The following RSPH4A variants were observed in gnomAD, a reference collection of about 807,000 sequenced individuals.
RSPH4A encodes the protein radial spoke head component 4A.
RSPH4A carries 47 observed loss-of-function variants against 71.0 expected under a neutral mutation model. The observed-to-expected ratio is 0.66, with a 90% CI of 0.52 to 0.84. RSPH4A has a LOEUF of 0.84. RSPH4A is among the 40% of genes least tolerant of loss of function. RSPH4A has a pLI of 0.00. For synonymous variants in RSPH4A, 282 were observed against 302.3 expected, an observed-to-expected ratio of 0.93 and a Z score of 0.70; for missense variants, 793 against 855.2, an observed-to-expected ratio of 0.93 and a Z score of 0.91.
At chr6:116,629,429 A>T in intron 3 of RSPH4A, 138 bp from the exon 4 acceptor site, 2 of 971,380 alleles carry the variant, frequency 2.1e-6, no homozygotes. Flanking sequence ...TAGCACTTGG[A>T]AAATGTATGT....
chr6:116,617,342 G>C (rs1354961042), intron 1 of RSPH4A, 33 bp downstream of exon 1: 2 of 1,530,288 alleles, frequency 1.3e-6, no homozygotes, highest in African/African-American at 2.7e-5. Context: ...ATAAATGTTT[G>C]GCAAAGCAAG....
intron 2 of RSPH4A, among the ~76,000 whole-genome samples, chr6:116,626,632 C>T (rs570537160): frequency 6.6e-5 from 10 of 152,288 alleles, no homozygotes; most frequent in East Asian, 3.9e-4. Context: ...TGAGCCACCA[C>T]GCCCAGCCTT....
Position 116,616,865 on chromosome 6 carries a change from C to T in RSPH4A, c.242C>T (p.Ser81Leu), listed in dbSNP as rs371869815. Reference sequence around the variant, plus strand: ...GGCCCCGCGGGACCAGAAACATCATCACCTGCTCCTGTCTCTCCGCGGGAG... The same window carrying T: ...GGCCCCGCGGGACCAGAAACATCATTACCTGCTCCTGTCTCTCCGCGGGAG... ...LGGPAGPETSSPAPVSPREPS... is the reference protein window; with the variant it reads ...LGGPAGPETSLPAPVSPREPS... Residue 81 changes from serine to leucine, a missense_variant, in exon 1 of 6, where the codon TCA becomes TTA. Ser to Leu is a moderately radical substitution (Grantham distance 145). Coordinates refer to ENST00000229554, the MANE Select transcript of RSPH4A (RefSeq NM_001010892.3). 40 of 1,614,196 alleles carry T rather than the reference C, an allele frequency of 2.5e-5. No individual in the cohort carries two copies. In the African/African-American group the frequency reaches 4.7e-4, roughly 19 times the overall value.
intron 2 of RSPH4A, among the ~76,000 whole-genome samples, chr6:116,625,792 G>A (rs556552810): frequency 3.9e-5 from 6 of 152,244 alleles, no homozygotes; most frequent in South Asian, 4.1e-4. Flanking sequence ...TGTCACTGGC[G>A]AAGAAAGAGT....
intron 2 of RSPH4A, among the ~76,000 whole-genome samples, chr6:116,623,370 G>A (rs867468031): frequency 6.6e-6 from 1 of 151,834 alleles, no homozygotes; most frequent in Admixed American, 6.6e-5. Flanking sequence ...ACAGGCGTGA[G>A]CTACTGCACC....
rs140079844 is a variant in RSPH4A at position 116,627,993 on chromosome 6, A to G, written c.1286A>G (p.Tyr429Cys). Residue 429 changes from tyrosine to cysteine, a missense_variant, in exon 3 of 6, where the codon TAT (tyrosine) becomes TGT (cysteine). By Grantham distance (194) the Tyr-to-Cys change is radical. Coordinates refer to ENST00000229554, the MANE Select transcript of RSPH4A (RefSeq NM_001010892.3). ...GAAAGTAGAACAGGTGCCAACAAAT[A>G]TGTCTATTTTGTTTGCAATGAACCA... ...KEESRTGANKYVYFVCNEPGR... is the reference protein window; with the variant it reads ...KEESRTGANKCVYFVCNEPGR... 314 of 1,614,132 alleles carry G rather than the reference A, an allele frequency of 1.9e-4. No homozygotes were observed. The highest frequency in any genetic ancestry group is 2.5e-4 in the Non-Finnish European group (298 of 1,179,972).
At chr6:116,619,356 T>G (rs1351046849) in intron 1 of RSPH4A, among the ~76,000 whole-genome samples, 1 of 152,100 alleles carries the variant, frequency 6.6e-6, no homozygotes, top group East Asian at 1.9e-4. Context: ...TCAGACAAAG[T>G]AGGTTAGAGA....
chr6:116,625,295 G>A (rs905371812), intron 2 of RSPH4A, among the ~76,000 whole-genome samples: 4 of 152,124 alleles, frequency 2.6e-5, no homozygotes, highest in Admixed American at 6.5e-5. Context: ...TTCACCAGGT[G>A]AAGACTCTTA....
At chr6:116,631,585 G>A (rs946446139) in intron 5 of RSPH4A, among the ~76,000 whole-genome samples, 5 of 152,160 alleles carry the variant, frequency 3.3e-5, no homozygotes, top group African/African-American at 1.2e-4. Context: ...GAGAAAGGAG[G>A]GGCTGGAAAG....
intron 2 of RSPH4A, 130 bp from the exon 3 acceptor site, chr6:116,627,484 CTGCACCCAGCCAATT>C: frequency 1.3e-6 from 1 of 767,616 alleles, no homozygotes; most frequent in East Asian, 2.6e-5. Flanking sequence ...GCGTGAACCA[CTGCACCCAGCCAATT>C]TGATCTAAAT....
Position 116,627,795 on chromosome 6 carries a change from A to T in RSPH4A, c.1088A>T (p.Glu363Val). 1 of 1,614,158 alleles carries T rather than the reference A, an allele frequency of 6.2e-7. No individual in the cohort carries two copies. Among genetic ancestry groups the T allele is most frequent in the Non-Finnish European group, 8.5e-7 (1 of 1,180,024 alleles). Residue 363 changes from glutamate (E) to valine (V), a missense_variant, in exon 3 of 6, where the codon GAA (glutamate) becomes GTA (valine). Glu to Val is a moderately radical substitution (Grantham distance 121, BLOSUM62 -2). Transcript: ENST00000229554. Reference protein sequence around the residue: ...CRFWGKILGLEMNYIVAEVEF... With the variant: ...CRFWGKILGLVMNYIVAEVEF... ...TTCTGGGGAAAGATCTTGGGTCTGG[A>T]AATGAATTATATTGTAGCTGAAGTG...
intron 2 of RSPH4A, among the ~76,000 whole-genome samples, chr6:116,624,243 G>T (rs982944800): frequency 5.9e-5 from 9 of 152,200 alleles, no homozygotes; most frequent in African/African-American, 2.2e-4. Context: ...CAGGTGATAG[G>T]TGTCAAGGAG....
rs115024178 is a variant in RSPH4A at position 116,627,397 on chromosome 6, C to T, written c.922-232C>T. ...GTATTTGTAGTAGAGACGGGGGTCT[C>T]ACCATGTTGGCCAGTCTTGAACTCC... On this transcript the variant is annotated intron_variant, in intron 2 of 5. Coordinates refer to ENST00000229554, the MANE Select transcript of RSPH4A (RefSeq NM_001010892.3). Among the ~76,000 whole-genome samples, 597 of 152,226 alleles carry T rather than the reference C, an allele frequency of 3.9e-3. 3 individuals carry two copies. The highest frequency in any genetic ancestry group is 0.014 in the African/African-American group (578 of 41,534).
At chr6:116,628,454 A>G (rs918993735) in intron 3 of RSPH4A, 85 bp downstream of exon 3, 1 of 1,114,444 alleles carries the variant, frequency 9.0e-7, no homozygotes. Flanking sequence ...GACATACAAA[A>G]TAAAGGCCTT....
At chr6:116,619,177 A>G (rs1316618355) in intron 1 of RSPH4A, among the ~76,000 whole-genome samples, 1 of 152,112 alleles carries the variant, frequency 6.6e-6, no homozygotes, top group Non-Finnish European at 1.5e-5. Context: ...GTTATTGGAT[A>G]GGTATGATTG....
At chr6:116,617,817 C>A (rs895893118) in intron 1 of RSPH4A, among the ~76,000 whole-genome samples, 4 of 152,168 alleles carry the variant, frequency 2.6e-5, no homozygotes, top group Admixed American at 1.3e-4. Context: ...TTAGTCCTCG[C>A]AAACTCGGAG....
rs1583351106 is a variant in RSPH4A at position 116,628,321 on chromosome 6, A to G, written c.1614A>G (p.Val538=). The G allele has an allele frequency of 1.2e-6, 2 of 1,612,934 alleles. No homozygotes were observed. The change falls in exon 3 of 6, where the codon GTA becomes GTG. Residue 538 remains valine (V), a synonymous_variant. Coordinates refer to ENST00000229554, the MANE Select transcript of RSPH4A (RefSeq NM_001010892.3). ...DFEGIQVIDL[V]ESLSNWVHHV... is the part of the protein sequence containing the mutation. ...AAGGCATCCAAGTGATTGATCTAGT[A>G]GAATCCCTATCCAATTGGGTTCATC...
At chr6:116,629,119 G>T (rs998910796) in intron 3 of RSPH4A, among the ~76,000 whole-genome samples, 1 of 152,150 alleles carries the variant, frequency 6.6e-6, no homozygotes, top group Admixed American at 6.5e-5. Flanking sequence ...CTAGATAAGA[G>T]ATACTCTTAG....
chr6:116,626,263 A>G (rs1390135154), intron 2 of RSPH4A, among the ~76,000 whole-genome samples: 2 of 152,194 alleles, frequency 1.3e-5, no homozygotes, highest in Admixed American at 6.5e-5. Context: ...CAAGTTTTTC[A>G]TCTTGAGGGT....
Sources: allele counts gnomAD v4.1 joint callset (sites outside exome capture counted in the v4.1 genomes callset), GRCh38; gene constraint gnomAD v4.1.1; transcripts MANE v1.5; gene names NCBI Gene and HGNC (gene_info 2026-07-23, HGNC 2026-07-21).